The following TPM2 variants were observed in gnomAD, a reference collection of about 807,000 sequenced individuals.
The protein encoded by TPM2 is tropomyosin beta chain.
In TPM2, 26 loss-of-function variants were observed where a neutral mutation model predicts 41.0. The ratio of observed to expected loss-of-function variants is 0.63; its 90% CI spans 0.46 to 0.88. TPM2 has a LOEUF of 0.88. Ranked by LOEUF, TPM2 falls within the 40% of genes least tolerant of loss-of-function variation. The pLI is 0.00. For missense variants in TPM2, 187 were observed against 355.2 expected (o/e 0.53, Z 3.81); for synonymous variants, 143 against 139.3 (o/e 1.03, Z -0.19).
At chr9:35,689,534 G>A (rs1034821873) in intron 1 of TPM2, 170 bp downstream of exon 1, 4 of 851,430 alleles carry the variant, frequency 4.7e-6, no homozygotes, top group Non-Finnish European at 5.7e-6. Context: ...GGCTATTGTA[G>A]GGGAGAGAAG....
chr9:35,685,651 C>T lies in TPM2; in HGVS notation c.370G>A (p.Glu124Lys), dbSNP rs1236394009. The T allele has an allele frequency of 1.9e-5, 30 of 1,614,152 alleles. No individual in the cohort carries two copies. The highest frequency in any genetic ancestry group is 3.3e-5 in the South Asian group (3 of 91,082). ...EEAEKAADES[E>K]RGMKVIENRA... ...CTCCCCGAGGCCCCTGACCACCTCTCGCTCTCATCAGCCGCCTTCTCGGCC... is the reference window on the plus strand; with the variant it reads ...CTCCCCGAGGCCCCTGACCACCTCTTGCTCTCATCAGCCGCCTTCTCGGCC... The change falls in exon 3 of 9, where the codon GAG becomes AAG. Residue 124 changes from glutamate to lysine, a missense_variant. Physicochemically the swap from Glu to Lys is moderately conservative, Grantham distance 56. Coordinates refer to ENST00000645482, the MANE Select transcript of TPM2 (RefSeq NM_003289.4). This position sits in a 1 kb window ranked among gnomAD's most constrained non-coding sequence, Gnocchi z 5.0.
At chr9:35,683,347 G>C (rs1156246943) in intron 8 of TPM2, 106 bp from the exon 9 acceptor site, 44 of 1,150,022 alleles carry the variant, frequency 3.8e-5, no homozygotes, top group Non-Finnish European at 5.6e-5. Flanking sequence ...AGAATCAGAG[G>C]TACACAAAGA....
In TPM2 at chr9:35,686,333, T is replaced by TA. The variant is rs3838722; in HGVS notation, c.241-554dup. ...GGGCCTCTCCTGCACTGTGCACAGT[T>TA]AGTCTCCCAAAGGTCACCTGCACAC... On this transcript the variant is annotated intron_variant, in intron 2 of 8. Coordinates refer to ENST00000645482, the MANE Select transcript of TPM2 (RefSeq NM_003289.4). 9.7e-4 allele frequency: 171 copies of TA among 175,720 alleles called. No homozygotes were observed. The East Asian group carries it at 0.024, about 25-fold the overall frequency. The allele number at this position is 175,720 out of a possible 1,614,324, so 10.9% of individuals were successfully genotyped here.
chr9:35,687,780 A>G (rs1049452802), intron 2 of TPM2, among the ~76,000 whole-genome samples: 1 of 151,114 alleles, frequency 6.6e-6, no homozygotes, highest in African/African-American at 2.4e-5. Flanking sequence ...GGGTGACAAA[A>G]GACTCTGGAA....
intron 5 of TPM2, 30 bp from the exon 6 acceptor site, chr9:35,684,837 G>C: frequency 6.2e-7 from 1 of 1,613,872 alleles, no homozygotes; most frequent in Non-Finnish European, 8.5e-7. Context: ...GGGGGGGCAG[G>C]GTGTGAGGGC....
chr9:35,689,552 G>A, intron 1 of TPM2, 152 bp downstream of exon 1: 1 of 1,416,544 alleles, frequency 7.1e-7, no homozygotes, highest in Admixed American at 2.2e-5. Flanking sequence ...AAGCGGCTCT[G>A]GCGAAGGCCC....
intron 5 of TPM2, 22 bp from the exon 6 acceptor site, chr9:35,684,829 G>GA: frequency 6.2e-7 from 1 of 1,613,672 alleles, no homozygotes; most frequent in Non-Finnish European, 8.5e-7. Flanking sequence ...GTGTGGCGGG[G>GA]GGGGCAGGGT....
chr9:35,685,057 T>C lies in TPM2; in HGVS notation c.563+212A>G. On this transcript the variant is annotated intron_variant, in intron 5 of 8. Transcript: ENST00000645482. The surrounding 1 kb of genome is among the most constrained non-coding windows in gnomAD (Gnocchi z 5.0). ...CATTGCCCAGAAAGGTTCAGAGGGG[T>C]CACTACCTCCTCCTCTGAGGCCATC... 1.2e-6 allele frequency: 2 copies of C among 1,613,828 alleles called. No individual in the cohort carries two copies. Among genetic ancestry groups the C allele is most frequent in the Non-Finnish European group, 1.7e-6 (2 of 1,179,948 alleles).
rs148003612 is a variant in TPM2 at position 35,684,521 on chromosome 9, C to T, written c.669G>A (p.Glu223=). Residue 223 remains glutamate, a synonymous_variant, in exon 7 of 9, where the codon GAG becomes GAA. Transcript: ENST00000645482. ...KYSTKEDKYE[E]EIKLLEEKLK... The stretch of plus-strand genomic sequence containing the variant: ...GCTTCTCCTCCAACAGTTTGATCTC[C>T]TCTTCATATTTATCTTCTTTGGTGG... 2.5e-6 allele frequency: 4 copies of T among 1,614,118 alleles called. No homozygotes were observed. In the African/African-American group the frequency reaches 4.0e-5, roughly 16 times the overall value.
intron 6 of TPM2, 88 bp from the exon 7 acceptor site, chr9:35,684,638 G>C: frequency 6.2e-7 from 1 of 1,612,874 alleles, no homozygotes. Flanking sequence ...TGGTCATCTT[G>C]CCTCCGTTGA....
downstream of TPM2, chr9:35,682,402 G>T: frequency 8.5e-7 from 1 of 1,183,064 alleles, no homozygotes; most frequent in Non-Finnish European, 1.2e-6. Flanking sequence ...GGGGAGGGCT[G>T]AGTCATAAAC....
chr9:35,688,215 C>T (rs1022886104), intron 2 of TPM2, among the ~76,000 whole-genome samples: 1 of 152,194 alleles, frequency 6.6e-6, no homozygotes, highest in African/African-American at 2.4e-5. Flanking sequence ...AGAACCAAAA[C>T]TGGAGGCTGG....
chr9:35,683,387 G>A (rs754373843), intron 8 of TPM2, 146 bp from the exon 9 acceptor site: 116 of 779,672 alleles, frequency 1.5e-4, no homozygotes, highest in Non-Finnish European at 2.2e-4. Flanking sequence ...CAGGGAACAG[G>A]CTGGACAGCT....
At position 35,685,309 on chromosome 9, in the gene TPM2, C is replaced by T. The variant is rs1192930095; in HGVS notation, c.523G>A (p.Glu175Lys). The change falls in exon 5 of 9, where the codon GAG becomes AAG. Residue 175 changes from glutamate to lysine, a missense_variant. Transcript: ENST00000645482. This position sits in a 1 kb window ranked among gnomAD's most constrained non-coding sequence, Gnocchi z 5.0. Reference protein sequence around the residue: ...VARKLVILEGELERSEERAEV... With the variant: ...VARKLVILEGKLERSEERAEV... ...GCCCTCTCCTCCGAGCGCTCCAGCT[C>T]TCCTTCCAGGATCACCAGCTTCCTG... 1 of 1,614,208 alleles carries T rather than the reference C, an allele frequency of 6.2e-7. No individual in the cohort carries two copies. The highest frequency in any genetic ancestry group is 2.2e-5 in the East Asian group (1 of 44,872).
rs1452343932 is a variant in TPM2, at chr9:35,685,574, G to A, written c.375-23C>T. On this transcript the variant is annotated intron_variant, in intron 3 of 8. Coordinates refer to ENST00000645482, the MANE Select transcript of TPM2 (RefSeq NM_003289.4). This position sits in a 1 kb window ranked among gnomAD's most constrained non-coding sequence, Gnocchi z 5.0. ...CCTCTGAAAGGCAGGGAGAGGGTGA[G>A]CGTAGGGTCAGGACCAGCAGAGACA... 1.9e-6 allele frequency: 3 copies of A among 1,614,160 alleles called. No individual in the cohort carries two copies. The highest frequency in any genetic ancestry group is 1.6e-4 in the Middle Eastern group (1 of 6,062).
chr9:35,682,983 A>C lies in TPM2; in HGVS notation c.*176T>G. The stretch of plus-strand genomic sequence containing the variant: ...AAGGAGGGTGGAAGGGGATAGGTAA[A>C]GGATGAAGCCAGTGCCAGAGTGGGT... On this transcript the variant is annotated 3_prime_UTR_variant, in exon 9 of 9. Coordinates refer to ENST00000645482, the MANE Select transcript of TPM2 (RefSeq NM_003289.4). 2 of 1,530,002 alleles carry C rather than the reference A, an allele frequency of 1.3e-6. No individual in the cohort carries two copies. Among genetic ancestry groups the C allele is most frequent in the East Asian group, 4.9e-5 (2 of 40,644 alleles). The allele number at this position is 1,530,002 out of a possible 1,614,324, so 94.8% of individuals were successfully genotyped here. A position where few individuals can be genotyped will look rare whatever the true frequency, so the allele number is the denominator to read the frequency against.
At position 35,685,832 on chromosome 9, in the gene TPM2, A is replaced by T; in HGVS notation, c.241-52T>A. On this transcript the variant is annotated intron_variant, in intron 2 of 8. Coordinates refer to ENST00000645482, the MANE Select transcript of TPM2 (RefSeq NM_003289.4). This position sits in a 1 kb window ranked among gnomAD's most constrained non-coding sequence, Gnocchi z 5.0. ...AAGGCCTTGTTAGCCTTGGATAAGG[A>T]TCAGAGAGGCTCCAGAGGATGGCGA... The T allele has an allele frequency of 9.9e-6, 16 of 1,612,970 alleles. No homozygotes were observed. Among genetic ancestry groups the T allele is most frequent in the Non-Finnish European group, 1.4e-5 (16 of 1,179,968 alleles).
intron 2 of TPM2, among the ~76,000 whole-genome samples, chr9:35,687,795 T>G (rs943808909): frequency 2.6e-5 from 4 of 152,086 alleles, no homozygotes; most frequent in Non-Finnish European, 5.9e-5. Flanking sequence ...CTGGAAAGTT[T>G]GGGAAGTCCT....
chr9:35,683,579 T>A (rs1299434075), intron 8 of TPM2, among the ~76,000 whole-genome samples: 2 of 151,992 alleles, frequency 1.3e-5, no homozygotes, highest in Admixed American at 6.6e-5. Flanking sequence ...AGGGCAAACC[T>A]CCTAAAGCTG....
Sources: allele counts gnomAD v4.1 joint callset (sites outside exome capture counted in the v4.1 genomes callset), GRCh38; gene constraint gnomAD v4.1.1; non-coding constraint Gnocchi (gnomAD v3.1); transcripts MANE v1.5; gene names NCBI Gene and HGNC (gene_info 2026-07-23, HGNC 2026-07-21).